MALRD1: variants seen among roughly 807,000 people sequenced by gnomAD.
MALRD1 encodes MAM and LDL-receptor class A domain-containing protein 1.
In MALRD1, 247 loss-of-function variants were observed where a neutral mutation model predicts 242.1. The ratio of observed to expected loss-of-function variants is 1.02; its 90% CI spans 0.92 to 1.13. The LOEUF (loss-of-function observed/expected upper bound fraction) is 1.13. MALRD1 is among the 50% of genes most tolerant of loss of function. The pLI, the probability that MALRD1 is intolerant of heterozygous loss-of-function variation, is 0.00. For missense variants in MALRD1, 2,989 were observed against 2,533.1 expected (o/e 1.18, Z -3.86); for synonymous variants, 995 against 866.6 (o/e 1.15, Z -2.60).
intron 18 of MALRD1, among the ~76,000 whole-genome samples, chr10:19,251,611 T>C (rs1225296049): frequency 2.0e-5 from 3 of 152,016 alleles, no homozygotes; most frequent in Non-Finnish European, 4.4e-5. Context: ...ATTTACTCAT[T>C]AGCTTCCAAG....
intron 11 of MALRD1, 28 bp downstream of exon 11, chr10:19,146,372 A>T (rs1326532567): frequency 8.2e-7 from 1 of 1,225,554 alleles, no homozygotes; most frequent in African/African-American, 1.6e-5. Context: ...TTAAAAAAAA[A>T]TAGTTTTCTT....
chr10:19,272,053 C>G (rs1840274514), intron 19 of MALRD1, among the ~76,000 whole-genome samples: 1 of 151,898 alleles, frequency 6.6e-6, no homozygotes, highest in Admixed American at 6.6e-5. Context: ...GTTTGTGCTG[C>G]TCAATAGACT....
chr10:19,715,122 C>G (rs138797014), intron 38 of MALRD1, among the ~76,000 whole-genome samples: 1,585 of 152,168 alleles, frequency 0.01, 29 homozygotes, highest in African/African-American at 0.031. Context: ...ACTGACCATT[C>G]TTAAAATTGA....
chr10:19,457,326 C>T (rs950179187), intron 29 of MALRD1, among the ~76,000 whole-genome samples: 8 of 152,134 alleles, frequency 5.3e-5, no homozygotes, highest in African/African-American at 1.7e-4. Context: ...ACCAACTTGC[C>T]TGAGTCTGGT....
intron 28 of MALRD1, among the ~76,000 whole-genome samples, chr10:19,438,006 A>C (rs1298448174): frequency 6.6e-6 from 1 of 152,058 alleles, no homozygotes; most frequent in Non-Finnish European, 1.5e-5. Context: ...CCTTGGTAGA[A>C]GTCCCTGCCG....
chr10:19,159,819 A>G lies in MALRD1; in HGVS notation c.1656+4647A>G, dbSNP rs578061122. On this transcript the variant is annotated intron_variant, in intron 12 of 39. Transcript: ENST00000454679. Reference sequence around the variant, plus strand: ...CCCTCTCCAGCTTAGGTACTCATCCATATGCAGTAACTGGTGTAAATCACC... The same window carrying G: ...CCCTCTCCAGCTTAGGTACTCATCCGTATGCAGTAACTGGTGTAAATCACC... 5.3e-5 allele frequency among the ~76,000 whole-genome samples: 8 copies of G among 152,256 alleles called. No individual in the cohort carries two copies. The East Asian group carries it at 1.4e-3, about 26-fold the overall frequency.
intron 38 of MALRD1, chr10:19,722,035 G>A (rs1206488546): frequency 6.6e-6 from 1 of 152,192 alleles, no homozygotes; most frequent in African/African-American, 2.4e-5. Flanking sequence ...AGAAGTTAGT[G>A]GACTTCATTT....
At chr10:19,657,108 TCA>T in intron 36 of MALRD1, among the ~76,000 whole-genome samples, 1 of 152,254 alleles carries the variant, frequency 6.6e-6, no homozygotes, top group Non-Finnish European at 1.5e-5. Flanking sequence ...CCTCATTCTC[TCA>T]CAGTCTTTTC....
chr10:19,230,774 T>C (rs1424312338), intron 18 of MALRD1, among the ~76,000 whole-genome samples: 3 of 152,326 alleles, frequency 2.0e-5, no homozygotes, highest in East Asian at 3.9e-4. Context: ...TCTCTAAAGG[T>C]TCTTAAAAGC....
At chr10:19,074,112 G>A (rs1220513693) in intron 2 of MALRD1, among the ~76,000 whole-genome samples, 2 of 152,108 alleles carry the variant, frequency 1.3e-5, no homozygotes, top group African/African-American at 4.8e-5. Context: ...TGTTGTGAAT[G>A]TCAAGAATTA....
chr10:19,367,600 TACTA>T (rs993431146), intron 26 of MALRD1, among the ~76,000 whole-genome samples: 19 of 152,280 alleles, frequency 1.2e-4, no homozygotes, highest in African/African-American at 4.1e-4. Context: ...CTCTTTGATG[TACTA>T]ACTATTTTTC....
chr10:19,260,531 A>G (rs987873957), intron 19 of MALRD1, among the ~76,000 whole-genome samples: 1 of 152,208 alleles, frequency 6.6e-6, no homozygotes, highest in African/African-American at 2.4e-5. Context: ...ACAATGGGGC[A>G]GAGAAGTATT....
intron 4 of MALRD1, among the ~76,000 whole-genome samples, chr10:19,096,312 C>T (rs1436886053): frequency 6.6e-6 from 1 of 152,122 alleles, no homozygotes; most frequent in Non-Finnish European, 1.5e-5. Flanking sequence ...TCGGCTGTAG[C>T]TGAGACAGCA....
chr10:19,330,400 T>G (rs1843312753), intron 23 of MALRD1, among the ~76,000 whole-genome samples: 1 of 152,074 alleles, frequency 6.6e-6, no homozygotes, highest in African/African-American at 2.4e-5. Context: ...CCAGAATTGG[T>G]CAAAATATAT....
In MALRD1 at chr10:19,220,896, A is replaced by C. The variant is rs551862430; in HGVS notation, c.2991+11216A>C. ...TACAATCTTCAACCCACTTTCTCCT[A>C]ACATGGCCCCTTTTCTGAAATGTTT... On this transcript the variant is annotated intron_variant, in intron 18 of 39. Transcript: ENST00000454679. Among the ~76,000 whole-genome samples the C allele has an allele frequency of 2.0e-5, 3 of 152,252 alleles. No homozygotes were observed. The South Asian group carries it at 6.2e-4, about 32-fold the overall frequency.
chr10:19,139,951 A>T (rs949585103), intron 10 of MALRD1, among the ~76,000 whole-genome samples: 1 of 152,230 alleles, frequency 6.6e-6, no homozygotes, highest in Non-Finnish European at 1.5e-5. Flanking sequence ...AAAAAAATTG[A>T]TAAAAACTAA....
chr10:19,489,331 A>T, intron 29 of MALRD1: 1 of 533,606 alleles, frequency 1.9e-6, no homozygotes, highest in Non-Finnish European at 3.8e-6. Flanking sequence ...TAACTGCAGA[A>T]AACGGGGAAA....
chr10:19,349,661 C>T lies in MALRD1; in HGVS notation c.4149+1643C>T, dbSNP rs933349908. 6.6e-5 allele frequency among the ~76,000 whole-genome samples: 10 copies of T among 152,202 alleles called. No individual in the cohort carries two copies. In the Middle Eastern group the frequency reaches 0.01, roughly 155 times the overall value. ...TACTTTCTCAGGAATAAAACCCAAG[C>T]ACACCAGATTTTCTCTATGTTGGGT... On this transcript the variant is annotated intron_variant, in intron 25 of 39. Transcript: ENST00000454679.
intron 19 of MALRD1, among the ~76,000 whole-genome samples, chr10:19,268,299 A>G (rs1243744170): frequency 3.3e-5 from 5 of 152,172 alleles, no homozygotes; most frequent in African/African-American, 4.8e-5. Context: ...CACAGTTGTT[A>G]TAATAATAGT....
Sources: gnomAD v4.1 joint callset for allele counts (sites outside exome capture counted in the v4.1 genomes callset) on GRCh38, gnomAD v4.1.1 for gene constraint, MANE v1.5 for transcripts, NCBI Gene and HGNC (gene_info 2026-07-23, HGNC 2026-07-21) for gene names.